The following RIC1 variants were observed in gnomAD, a reference collection of about 807,000 sequenced individuals.
RIC1 encodes the protein guanine nucleotide exchange factor subunit RIC1.
Under a neutral mutation model 169.0 loss-of-function variants are expected in RIC1, and 88 were observed. That is an observed-to-expected ratio of 0.52 (90% CI 0.44 to 0.62). RIC1 has a LOEUF of 0.62. RIC1 is among the 20% of genes least tolerant of loss of function. The pLI is 0.00. For missense variants in RIC1, 1,877 were observed against 1,725.5 expected (o/e 1.09, Z -1.56); for synonymous variants, 790 against 601.5 (o/e 1.31, Z -4.59).
At position 5,747,334 on chromosome 9, in the gene RIC1, G is replaced by A. The variant is rs747943253; in HGVS notation, c.1281G>A (p.Glu427=). 5 of 1,614,034 alleles carry A rather than the reference G, an allele frequency of 3.1e-6. No homozygotes were observed. Among genetic ancestry groups the A allele is most frequent in the Middle Eastern group, 1.6e-4 (1 of 6,062 alleles). The change falls in exon 12 of 26, where the codon GAG becomes GAA. Residue 427 remains glutamate (E), a synonymous_variant. Coordinates refer to ENST00000414202, the MANE Select transcript of RIC1 (RefSeq NM_020829.4). ...SNQEQVLLQG[E]DRLYLNCGEA... is the part of the protein sequence containing the mutation. ...AAGAGCAGGTGTTGCTTCAGGGTGA[G>A]GATCGCTTGTACTTGAACTGTGGAG...
chr9:5,629,382 G>A lies in RIC1; in HGVS notation c.73G>A (p.Val25Ile), dbSNP rs1177650078. Residue 25 changes from valine to isoleucine, a missense_variant, in exon 1 of 26, where the codon GTT becomes ATT. Val to Ile is a conservative substitution (Grantham distance 29). Coordinates refer to ENST00000414202, the MANE Select transcript of RIC1 (RefSeq NM_020829.4). The part of the protein sequence containing the change: ...LGSPAEAPFH[V>I]QSDPQRAFFA... ...GAGCCCGGCCGAGGCGCCTTTCCACGTTCAGTCCGACCCGCAGAGGGCTTT... is the reference window on the plus strand; with the variant it reads ...GAGCCCGGCCGAGGCGCCTTTCCACATTCAGTCCGACCCGCAGAGGGCTTT... 28 of 1,533,118 alleles carry A rather than the reference G, an allele frequency of 1.8e-5. No individual in the cohort carries two copies. Among genetic ancestry groups the A allele is most frequent in the Non-Finnish European group, 2.4e-5 (27 of 1,145,822 alleles). 95.0% of individuals were successfully genotyped at this position (1,533,118 alleles called of 1,614,324 possible). A position where few individuals can be genotyped will look rare whatever the true frequency, so the allele number is the denominator to read the frequency against.
At chr9:5,735,543 G>A (rs1016794964) in intron 7 of RIC1, among the ~76,000 whole-genome samples, 9 of 152,150 alleles carry the variant, frequency 5.9e-5, no homozygotes, top group Non-Finnish European at 4.4e-5. Context: ...CATCAGCTAC[G>A]AGACTACAAG....
intron 2 of RIC1, among the ~76,000 whole-genome samples, chr9:5,668,842 A>G (rs1207060888): frequency 3.3e-5 from 5 of 152,044 alleles, no homozygotes; most frequent in African/African-American, 9.7e-5. Context: ...AACATATTTA[A>G]GAGTGTTGAT....
chr9:5,701,525 T>C (rs1049553340), intron 3 of RIC1, among the ~76,000 whole-genome samples: 4 of 150,596 alleles, frequency 2.7e-5, no homozygotes, highest in Non-Finnish European at 5.9e-5. Context: ...AACTGGGAGG[T>C]GGACATTGCA....
intron 1 of RIC1, among the ~76,000 whole-genome samples, chr9:5,645,883 C>T (rs1386013489): frequency 6.6e-6 from 1 of 151,548 alleles, no homozygotes; most frequent in Non-Finnish European, 1.5e-5. Context: ...TATCCAGATC[C>T]CTGCTTTACT....
intron 2 of RIC1, among the ~76,000 whole-genome samples, chr9:5,673,085 G>C (rs919183542): frequency 1.1e-4 from 17 of 152,264 alleles, no homozygotes; most frequent in African/African-American, 4.1e-4. Flanking sequence ...TCCTAGGTTA[G>C]TGAGAGATAG....
At chr9:5,693,195 C>G (rs1174412017) in intron 3 of RIC1, among the ~76,000 whole-genome samples, 4 of 152,116 alleles carry the variant, frequency 2.6e-5, no homozygotes, top group African/African-American at 9.7e-5. Flanking sequence ...CCTCTTCTCA[C>G]TTAGTTATAG....
rs1266075538 is a variant in RIC1 at position 5,776,522 on chromosome 9, T to C, written c.*2276T>C. ...GCTATTTCTGTAATGTGTATTTTTC[T>C]CCCCTTGGTAAAGGGCAATAAAACC... On this transcript the variant is annotated 3_prime_UTR_variant, in exon 26 of 26. Transcript: ENST00000414202. The C allele has an allele frequency of 2.0e-5, 3 of 152,052 alleles. No individual in the cohort carries two copies. The highest frequency in any genetic ancestry group is 4.4e-5 in the Non-Finnish European group (3 of 67,958). The allele number at this position is 152,052 out of a possible 1,614,324, so 9.4% of individuals were successfully genotyped here.
chr9:5,674,621 C>A (rs906378548), intron 2 of RIC1, among the ~76,000 whole-genome samples: 5 of 152,220 alleles, frequency 3.3e-5, no homozygotes, highest in African/African-American at 1.2e-4. Flanking sequence ...AGGTTACCTA[C>A]TCCACAAGTA....
intron 11 of RIC1, among the ~76,000 whole-genome samples, chr9:5,746,503 T>C (rs1426654824): frequency 6.6e-6 from 1 of 152,112 alleles, no homozygotes; most frequent in African/African-American, 2.4e-5. Context: ...AGATTGATTG[T>C]AGGGCTCCAG....
intron 2 of RIC1, among the ~76,000 whole-genome samples, chr9:5,681,362 G>A (rs1820827308): frequency 6.6e-6 from 1 of 152,040 alleles, no homozygotes; most frequent in Non-Finnish European, 1.5e-5. Flanking sequence ...GTTATGTTGT[G>A]TCTTTGTTCT....
At position 5,658,001 on chromosome 9, in the gene RIC1, C is replaced by T. The variant is rs558836056; in HGVS notation, c.252+1311C>T. ...ATAGCAGATTGAATTGAAGTTCTTA[C>T]AGCAAGTGTATGTGGTGCTCTCATT... On this transcript the variant is annotated intron_variant, in intron 2 of 25. Coordinates refer to ENST00000414202, the MANE Select transcript of RIC1 (RefSeq NM_020829.4). Among the ~76,000 whole-genome samples the T allele has an allele frequency of 7.2e-5, 11 of 152,214 alleles. No homozygotes were observed. In the South Asian group the frequency reaches 2.1e-3, roughly 29 times the overall value.
intron 17 of RIC1, among the ~76,000 whole-genome samples, chr9:5,762,211 CT>C (rs1345221291): frequency 2.0e-5 from 3 of 152,210 alleles, no homozygotes; most frequent in Non-Finnish European, 4.4e-5. Context: ...TCCTTTTAAA[CT>C]TTCTGTTGTT....
rs760478398 is a variant in RIC1 at position 5,772,701 on chromosome 9, T to A, written c.3754T>A (p.Leu1252Met). 18 of 1,612,044 alleles carry A rather than the reference T, an allele frequency of 1.1e-5. No individual in the cohort carries two copies. The highest frequency in any genetic ancestry group is 1.5e-5 in the Non-Finnish European group (18 of 1,179,488). Reference protein sequence around the residue: ...QSELEHISMELASKGPHKSQV... With the variant: ...QSELEHISMEMASKGPHKSQV... ...AGAGCTGGAGCACATTTCCATGGAG[T>A]TGGCCAGTAAAGGGCCTCATAAATC... The change falls in exon 24 of 26, where the codon TTG (leucine) becomes ATG (methionine). Residue 1252 changes from leucine to methionine, a missense_variant. Physicochemically the swap from Leu to Met is conservative, Grantham distance 15. Around this residue, in one of 3 missense-constraint regions of RIC1, gnomAD observed 681 missense variants for 582.0 expected, o/e 1.17. Transcript: ENST00000414202.
chr9:5,768,876 C>G, intron 21 of RIC1, 94 bp from the exon 22 acceptor site: 1 of 1,329,972 alleles, frequency 7.5e-7, no homozygotes, highest in Non-Finnish European at 1.0e-6. Context: ...GATCTCTTAT[C>G]TCCTTGTCAG....
intron 1 of RIC1, among the ~76,000 whole-genome samples, chr9:5,644,291 A>G (rs1430054534): frequency 6.6e-6 from 1 of 152,032 alleles, no homozygotes; most frequent in Non-Finnish European, 1.5e-5. Context: ...CTTTCCTAGA[A>G]TTTTCATATC....
intron 23 of RIC1, among the ~76,000 whole-genome samples, chr9:5,770,780 C>T (rs1007978748): frequency 6.6e-6 from 1 of 152,140 alleles, no homozygotes; most frequent in African/African-American, 2.4e-5. Flanking sequence ...GATTTTGCCT[C>T]TTGGCCTTAA....
In RIC1 at chr9:5,690,022, G is replaced by A; in HGVS notation, c.316G>A (p.Glu106Lys). ...TACAAGAGGGGACAAGTACCTTTATGAACCAGTGTATCCCAAGTAAGTTTG... is the reference window on the plus strand; with the variant it reads ...TACAAGAGGGGACAAGTACCTTTATAAACCAGTGTATCCCAAGTAAGTTTG... ...TSTRGDKYLYEPVYPKGSPQM... is the reference protein window; with the variant it reads ...TSTRGDKYLYKPVYPKGSPQM... Residue 106 changes from glutamate to lysine, a missense_variant, in exon 3 of 26, where the codon GAA becomes AAA. By Grantham distance (56) the Glu-to-Lys change is moderately conservative. Transcript: ENST00000414202. 6.3e-7 allele frequency: 1 copy of A among 1,598,200 alleles called. No individual in the cohort carries two copies. The highest frequency in any genetic ancestry group is 1.3e-5 in the African/African-American group (1 of 74,118).
intron 3 of RIC1, among the ~76,000 whole-genome samples, chr9:5,690,593 G>T (rs1403952629): frequency 4.8e-5 from 7 of 147,368 alleles, no homozygotes; most frequent in African/African-American, 1.8e-4. Flanking sequence ...AAGCCATAAA[G>T]CCAGATAAAA....
Sources: allele counts gnomAD v4.1 joint callset (sites outside exome capture counted in the v4.1 genomes callset), GRCh38; gene constraint gnomAD v4.1.1; regional missense constraint gnomAD v4.1.1; transcripts MANE v1.5; gene names NCBI Gene and HGNC (gene_info 2026-07-23, HGNC 2026-07-21).